FREM1: variants seen among roughly 807,000 people sequenced by gnomAD.
FREM1 encodes the protein FRAS1-related extracellular matrix protein 1.
Under a neutral mutation model 210.1 loss-of-function variants are expected in FREM1, and 220 were observed. That is an observed-to-expected ratio of 1.05 (90% confidence interval 0.94 to 1.17). FREM1 has a LOEUF of 1.17. Ranked by LOEUF, FREM1 falls within the 50% of genes most tolerant of loss-of-function variation. FREM1 has a pLI of 0.00. For missense variants in FREM1, 3,454 were observed against 2,675.5 expected (o/e 1.29, Z -6.42); for synonymous variants, 1,189 against 980.2 (o/e 1.21, Z -3.98).
At chr9:14,794,859 G>T (rs191107775) in intron 21 of FREM1, among the ~76,000 whole-genome samples, 1 of 151,984 alleles carries the variant, frequency 6.6e-6, no homozygotes, top group Non-Finnish European at 1.5e-5. Context: ...TTAGCCAGGC[G>T]TGGTGGCAGG....
At chr9:14,810,000 A>C (rs1438317593) in intron 16 of FREM1, among the ~76,000 whole-genome samples, 1 of 152,114 alleles carries the variant, frequency 6.6e-6, no homozygotes, top group South Asian at 2.1e-4. Context: ...GATCGTGTGC[A>C]AGGTGCTGAG....
intron 29 of FREM1, among the ~76,000 whole-genome samples, chr9:14,753,556 C>G (rs1843746243): frequency 6.6e-6 from 1 of 152,314 alleles, no homozygotes; most frequent in Non-Finnish European, 1.5e-5. Context: ...AGGCAAGCTT[C>G]CTTCCAGCTC....
In FREM1 at chr9:14,811,777, T is replaced by A. The variant is rs554705243; in HGVS notation, c.2893+1035A>T. Reference sequence around the variant, plus strand: ...GCTATCTCCATCCCTCCTCCTTGAATTTATTTCATGCCTCACTGCTTGAAT... The same window carrying A: ...GCTATCTCCATCCCTCCTCCTTGAAATTATTTCATGCCTCACTGCTTGAAT... On this transcript the variant is annotated intron_variant, in intron 16 of 36. Coordinates refer to ENST00000380880, the MANE Select transcript of FREM1 (RefSeq NM_001379081.2). Among the ~76,000 whole-genome samples, 21 of 152,280 alleles carry A rather than the reference T, an allele frequency of 1.4e-4. No homozygotes were observed. In the South Asian group the frequency reaches 4.1e-3, roughly 30 times the overall value.
rs370953790 is a variant in FREM1, at chr9:14,812,890, C to G, written c.2815G>C (p.Val939Leu). Residue 939 changes from valine (V) to leucine (L), a missense_variant, in exon 16 of 37, where the codon GTG becomes CTG. Val to Leu is a conservative substitution (Grantham distance 32, BLOSUM62 1). Transcript: ENST00000380880. ...VIAREPQHGV[V>L]RRAGVTVDQF... Reference sequence around the variant, plus strand: ...TCCACTGTGACTCCAGCTCTCCTCACCACCCCATGCTGAGGTTCGCGAGCA... The same window carrying G: ...TCCACTGTGACTCCAGCTCTCCTCAGCACCCCATGCTGAGGTTCGCGAGCA... The G allele has an allele frequency of 2.5e-5, 40 of 1,613,794 alleles. No homozygotes were observed. In the African/African-American group the frequency reaches 3.7e-4, roughly 15 times the overall value.
intron 15 of FREM1, 51 bp from the exon 16 acceptor site, chr9:14,813,115 T>C: frequency 6.5e-7 from 1 of 1,550,190 alleles, no homozygotes; most frequent in Non-Finnish European, 8.8e-7. Flanking sequence ...AAATGACAAA[T>C]TCTTTGACAG....
At chr9:14,867,929 C>G (rs1466869413) in intron 2 of FREM1, among the ~76,000 whole-genome samples, 2 of 152,064 alleles carry the variant, frequency 1.3e-5, no homozygotes, top group Non-Finnish European at 2.9e-5. Context: ...ACTTTTTAAA[C>G]CCAATGAATT....
intron 10 of FREM1, among the ~76,000 whole-genome samples, chr9:14,830,618 C>T (rs1294032080): frequency 6.6e-6 from 1 of 152,204 alleles, no homozygotes; most frequent in Non-Finnish European, 1.5e-5. Context: ...GGAAGACCTC[C>T]TCCTCTTTCG....
rs1438008685 is a variant in FREM1 at position 14,812,926 on chromosome 9, T to TC, written c.2778dup (p.Met927AspfsTer49). 1 of 1,613,800 alleles carries TC rather than the reference T, an allele frequency of 6.2e-7. No homozygotes were observed. The highest frequency in any genetic ancestry group is 1.7e-5 in the Admixed American group (1 of 59,992). On this transcript the variant is annotated frameshift_variant, in exon 16 of 37. Transcript: ENST00000380880. LOFTEE classifies it high-confidence loss of function. ...TGAGGTTCGCGAGCAATCACAAACA[T>TC]CAACTTCAAGTTATCGCTGTCCACA...
chr9:14,910,908 T>C (rs1458944209), upstream of FREM1: 4 of 152,208 alleles, frequency 2.6e-5, no homozygotes, highest in Non-Finnish European at 5.9e-5. Flanking sequence ...TGTCATGGCA[T>C]TTAAGGGAAA....
intron 13 of FREM1, among the ~76,000 whole-genome samples, chr9:14,820,927 A>G (rs571442379): frequency 6.6e-6 from 1 of 152,222 alleles, no homozygotes; most frequent in Admixed American, 6.5e-5. Context: ...TTAGTATCCC[A>G]ATATGGAATC....
intron 16 of FREM1, among the ~76,000 whole-genome samples, chr9:14,809,597 G>A (rs1236445149): frequency 1.3e-5 from 2 of 152,202 alleles, no homozygotes; most frequent in African/African-American, 4.8e-5. Context: ...CCGTCAATGT[G>A]AGAAAGAGTC....
At chr9:14,884,165 G>C (rs1274994619) in intron 1 of FREM1, among the ~76,000 whole-genome samples, 2 of 152,098 alleles carry the variant, frequency 1.3e-5, no homozygotes, top group African/African-American at 2.4e-5. Flanking sequence ...GGAGGCGGAG[G>C]TTGCAGTGAG....
intron 15 of FREM1, among the ~76,000 whole-genome samples, chr9:14,814,023 G>A (rs531683996): frequency 3.9e-5 from 6 of 151,988 alleles, no homozygotes; most frequent in Admixed American, 6.6e-5. Flanking sequence ...GTTTTATCCC[G>A]ACACACATTC....
chr9:14,745,989 C>T (rs1478609513), intron 35 of FREM1, among the ~76,000 whole-genome samples: 1 of 126,258 alleles, frequency 7.9e-6, no homozygotes, highest in Non-Finnish European at 1.7e-5. Context: ...AAAGAAACTG[C>T]AATGCTGCTG....
At chr9:14,816,167 T>A (rs931693443) in intron 15 of FREM1, among the ~76,000 whole-genome samples, 1 of 152,208 alleles carries the variant, frequency 6.6e-6, no homozygotes, top group Non-Finnish European at 1.5e-5. Context: ...ATATTAGAAA[T>A]AATTTATACA....
chr9:14,776,180 C>T lies in FREM1; in HGVS notation c.4466G>A (p.Arg1489Gln), dbSNP rs61732355. The T allele has an allele frequency of 0.019, 28,675 of 1,532,146 alleles. 342 individuals carry two copies. Among genetic ancestry groups the T allele is most frequent in the South Asian group, 0.022 (1,663 of 76,910 alleles). 94.9% of individuals were successfully genotyped at this position (1,532,146 alleles called of 1,614,324 possible). The change falls in exon 25 of 37, where the codon CGG (arginine) becomes CAG (glutamine). Residue 1489 changes from arginine to glutamine, a missense_variant. Physicochemically the swap from Arg to Gln is conservative, Grantham distance 43 (BLOSUM62 1). Coordinates refer to ENST00000380880, the MANE Select transcript of FREM1 (RefSeq NM_001379081.2). ...GATCTCAAACACCCCGTGCTCGGTC[C>T]GCAGTCCATTGCTGATGATGAATCT... ...RFRFIISNGLRTEHGVFEITL... is the reference protein window; with the variant it reads ...RFRFIISNGLQTEHGVFEITL...
At chr9:14,821,598 G>T (rs556200698) in intron 13 of FREM1, among the ~76,000 whole-genome samples, 1 of 152,316 alleles carries the variant, frequency 6.6e-6, no homozygotes, top group South Asian at 2.1e-4. Context: ...ATATGATCTG[G>T]TCCCTGATAG....
intron 3 of FREM1, among the ~76,000 whole-genome samples, chr9:14,860,968 T>C (rs868364117): frequency 9.3e-5 from 8 of 85,674 alleles, no homozygotes; most frequent in East Asian, 2.5e-4. Context: ...TATATACACA[T>C]ATATACATAT....
chr9:14,906,219 T>C (rs1215479650), intron 1 of FREM1, among the ~76,000 whole-genome samples: 1 of 152,222 alleles, frequency 6.6e-6, no homozygotes, highest in Admixed American at 6.5e-5. Flanking sequence ...CTGAGTAACT[T>C]GGCCAACATT....
Sources: allele counts gnomAD v4.1 joint callset (sites outside exome capture counted in the v4.1 genomes callset), GRCh38; gene constraint gnomAD v4.1.1; transcripts MANE v1.5; gene names NCBI Gene and HGNC (gene_info 2026-07-23, HGNC 2026-07-21).